Variants in MTFR1 observed in about 807,000 individuals in gnomAD.
The protein encoded by MTFR1 is mitochondrial fission regulator 1, also known as chondrocyte protein with a poly-proline region.
MTFR1 carries 28 observed loss-of-function variants against 38.8 expected under a neutral mutation model. That is an observed-to-expected ratio of 0.72 (90% CI 0.53 to 0.99). The LOEUF (loss-of-function observed/expected upper bound fraction) is 0.99, where lower values mean the gene tolerates loss of function less well. MTFR1 is among the 50% of genes least tolerant of loss of function. The pLI is 0.00. For missense variants in MTFR1, 358 were observed against 395.5 expected (o/e 0.91, Z 0.81); for synonymous variants, 145 against 137.0 (o/e 1.06, Z -0.41).
At chr8:65,771,996 T>C (rs1418518374), downstream of MTFR1, among the ~76,000 whole-genome samples, 1 of 148,230 alleles carries the variant, frequency 6.7e-6, no homozygotes, top group African/African-American at 2.5e-5. Context: ...TGGTGATAAA[T>C]GACTGGTTCA....
chr8:65,703,856 T>C (rs1805695936), intron 4 of MTFR1, among the ~76,000 whole-genome samples: 1 of 152,228 alleles, frequency 6.6e-6, no homozygotes, highest in Admixed American at 6.5e-5. Flanking sequence ...TAGTTCTTAA[T>C]AGCCCTCTGT....
At chr8:65,645,509 G>T (rs997033049) in intron 1 of MTFR1, among the ~76,000 whole-genome samples, 2 of 152,202 alleles carry the variant, frequency 1.3e-5, no homozygotes, top group African/African-American at 4.8e-5. Context: ...CAATACGTGG[G>T]CAGTCTTGCT....
At chr8:65,702,919 T>C (rs1165173544) in intron 4 of MTFR1, among the ~76,000 whole-genome samples, 1 of 152,192 alleles carries the variant, frequency 6.6e-6, no homozygotes, top group Non-Finnish European at 1.5e-5. Flanking sequence ...TAATTCAGTG[T>C]AGTGTTATTC....
intron 3 of MTFR1, among the ~76,000 whole-genome samples, chr8:65,758,659 A>C (rs1025000725): frequency 3.3e-5 from 5 of 152,118 alleles, no homozygotes; most frequent in African/African-American, 9.7e-5. Context: ...CTTATCTTTC[A>C]AACTATACTC....
At chr8:65,646,447 A>G (rs1808966927) in intron 1 of MTFR1, among the ~76,000 whole-genome samples, 1 of 149,800 alleles carries the variant, frequency 6.7e-6, no homozygotes, top group Non-Finnish European at 1.5e-5. Context: ...TCAGTAATGG[A>G]AAAAAAAAAG....
At chr8:65,708,045 G>A (rs1805838100) in intron 7 of MTFR1, 34 bp downstream of exon 7, 2 of 1,608,294 alleles carry the variant, frequency 1.2e-6, no homozygotes, top group Non-Finnish European at 1.7e-6. Flanking sequence ...TTCCTGTTAT[G>A]TAGAAATCCA....
At chr8:65,708,210 T>G (rs1805843699) in intron 7 of MTFR1, 199 bp downstream of exon 7, 1 of 1,059,530 alleles carries the variant, frequency 9.4e-7, no homozygotes, top group Admixed American at 2.8e-5. Flanking sequence ...ACACTTTTAC[T>G]TTTCTAACTA....
intron 3 of MTFR1, among the ~76,000 whole-genome samples, chr8:65,683,132 C>CTTTTTTTTTT (rs748824241): frequency 8.2e-6 from 1 of 121,686 alleles, no homozygotes; most frequent in African/African-American, 3.2e-5. Flanking sequence ...TTCTTTCTTT[C>CTTTTTTTTTT]TTTTTTTTTT....
At chr8:65,741,180 AC>A (rs1807415737) in intron 3 of MTFR1, among the ~76,000 whole-genome samples, 1 of 152,208 alleles carries the variant, frequency 6.6e-6, no homozygotes. Flanking sequence ...AATTAAATAG[AC>A]CACGTTTTAA....
chr8:65,715,801 T>C (rs1215499758), intron 2 of MTFR1, among the ~76,000 whole-genome samples: 1 of 149,206 alleles, frequency 6.7e-6, no homozygotes, highest in African/African-American at 2.4e-5. Context: ...CTGGCTAACA[T>C]GGTGAAACCC....
intron 3 of MTFR1, among the ~76,000 whole-genome samples, chr8:65,683,411 T>TGAGC (rs1804969064): frequency 6.6e-6 from 1 of 152,182 alleles, no homozygotes; most frequent in African/African-American, 2.4e-5. Flanking sequence ...ATTACAGGTG[T>TGAGC]GAGCCACTGT....
intron 2 of MTFR1, among the ~76,000 whole-genome samples, chr8:65,681,394 A>T (rs1298622197): frequency 6.6e-6 from 1 of 152,252 alleles, no homozygotes; most frequent in Admixed American, 6.5e-5. Flanking sequence ...TGCTGGGATT[A>T]CAGGCAGGAG....
intron 3 of MTFR1, among the ~76,000 whole-genome samples, chr8:65,690,354 G>T (rs900063543): frequency 4.6e-5 from 7 of 151,916 alleles, no homozygotes; most frequent in Non-Finnish European, 8.8e-5. Context: ...GGGCAACATG[G>T]CGATACCCCC....
At chr8:65,653,222 T>C (rs1809166934) in intron 1 of MTFR1, among the ~76,000 whole-genome samples, 1 of 152,192 alleles carries the variant, frequency 6.6e-6, no homozygotes, top group African/African-American at 2.4e-5. Context: ...AATGAGTTTA[T>C]TTAAGATCGA....
chr8:65,766,120 AT>A (rs1351181662), intron 3 of MTFR1, among the ~76,000 whole-genome samples: 1 of 151,944 alleles, frequency 6.6e-6, no homozygotes, highest in Non-Finnish European at 1.5e-5. Context: ...TAATTTTTGT[AT>A]TTTTAGTAGA....
chr8:65,675,591 C>G (rs567011845), intron 2 of MTFR1, among the ~76,000 whole-genome samples: 2 of 152,116 alleles, frequency 1.3e-5, no homozygotes, highest in Non-Finnish European at 2.9e-5. Flanking sequence ...AGCAAGACTC[C>G]GTCTCAAAAA....
chr8:65,771,796 A>C (rs1585904641), downstream of MTFR1, among the ~76,000 whole-genome samples: 1 of 148,658 alleles, frequency 6.7e-6, no homozygotes, highest in Non-Finnish European at 1.5e-5. Flanking sequence ...AATCGCTTGA[A>C]CCTGGAAGGT....
chr8:65,673,343 T>C (rs1299630496), intron 2 of MTFR1, among the ~76,000 whole-genome samples: 2 of 142,586 alleles, frequency 1.4e-5, no homozygotes, highest in Non-Finnish European at 3.0e-5. Flanking sequence ...ATTAAAGTAG[T>C]AACAAATAAC....
intron 2 of MTFR1, chr8:65,717,757 TTTACAAATG>T (rs1156718568): frequency 6.6e-6 from 1 of 152,210 alleles, no homozygotes; most frequent in Non-Finnish European, 1.5e-5. Flanking sequence ...GGCAAAGCCT[TTTACAAATG>T]GCTTTACACT....
Sources: allele counts gnomAD v4.1 joint callset (sites outside exome capture counted in the v4.1 genomes callset), GRCh38; gene constraint gnomAD v4.1.1; transcripts MANE v1.5; gene names NCBI Gene and HGNC (gene_info 2026-07-23, HGNC 2026-07-21).